The following CERS6 variants were observed in gnomAD, a reference collection of about 807,000 sequenced individuals.
CERS6 encodes ceramide synthase 6.
In CERS6, 26 loss-of-function variants were observed where a neutral mutation model predicts 56.8. The observed-to-expected ratio is 0.46, with a 90% CI of 0.34 to 0.63. The LOEUF is 0.63. Ranked by LOEUF, CERS6 falls within the 30% of genes least tolerant of loss-of-function variation. The probability of loss-of-function intolerance (pLI) is 0.01; values close to 1 mark genes in which losing one functional copy is unlikely to be tolerated. For missense variants in CERS6, 415 were observed against 467.5 expected, an observed-to-expected ratio of 0.89 and a Z score of 1.04; for synonymous variants, 164 against 173.3, an observed-to-expected ratio of 0.95 and a Z score of 0.42.
chr2:168,551,511 C>T (rs186902524), intron 2 of CERS6, among the ~76,000 whole-genome samples: 1 of 152,282 alleles, frequency 6.6e-6, no homozygotes, highest in East Asian at 1.9e-4. Context: ...CTTTGAATAA[C>T]CGTCTCACAG....
chr2:168,586,467 T>C (rs1683545155), intron 3 of CERS6, among the ~76,000 whole-genome samples: 1 of 151,848 alleles, frequency 6.6e-6, no homozygotes, highest in South Asian at 2.1e-4. Flanking sequence ...ATATAAGAGG[T>C]GTGCATTTTA....
chr2:168,579,034 C>A (rs6746322), intron 3 of CERS6, among the ~76,000 whole-genome samples: 3,280 of 152,208 alleles, frequency 0.022, 136 homozygotes, highest in East Asian at 0.18. Context: ...AACAGGAACA[C>A]AATAATTCCT....
At chr2:168,578,953 T>C (rs1243912116) in intron 3 of CERS6, among the ~76,000 whole-genome samples, 1 of 152,170 alleles carries the variant, frequency 6.6e-6, no homozygotes, top group African/African-American at 2.4e-5. Flanking sequence ...TATATAAATA[T>C]AATAAAGTTT....
At chr2:168,673,777 T>A (rs13408222) in intron 4 of CERS6, among the ~76,000 whole-genome samples, 16,384 of 152,206 alleles carry the variant, frequency 0.11, 1,302 homozygotes, top group African/African-American at 0.23. Context: ...TGCCATTCAT[T>A]CAGGAGGTGT....
intron 3 of CERS6, among the ~76,000 whole-genome samples, chr2:168,611,893 G>T (rs1684197633): frequency 6.6e-6 from 1 of 152,138 alleles, no homozygotes; most frequent in Non-Finnish European, 1.5e-5. Context: ...CTACACTTGT[G>T]TCTTCTTCAA....
intron 9 of CERS6, among the ~76,000 whole-genome samples, chr2:168,765,993 G>A (rs998511036): frequency 6.6e-5 from 10 of 151,934 alleles, no homozygotes; most frequent in Admixed American, 1.3e-4. Flanking sequence ...TGTTGTGTTC[G>A]CTCTCCCTCT....
chr2:168,459,653 G>T (rs1025423916), intron 1 of CERS6, among the ~76,000 whole-genome samples: 1 of 151,810 alleles, frequency 6.6e-6, no homozygotes, highest in Non-Finnish European at 1.5e-5. Context: ...TCCCCCAACT[G>T]GGCTGATTCT....
intron 4 of CERS6, among the ~76,000 whole-genome samples, chr2:168,637,106 G>T (rs965006916): frequency 6.6e-6 from 1 of 152,118 alleles, no homozygotes; most frequent in Non-Finnish European, 1.5e-5. Flanking sequence ...CTCCTTGGAA[G>T]GTGGCACAGT....
chr2:168,458,070 C>G (rs1693707853), intron 1 of CERS6, among the ~76,000 whole-genome samples: 1 of 152,064 alleles, frequency 6.6e-6, no homozygotes, highest in South Asian at 2.1e-4. Flanking sequence ...TGTAGAGTTA[C>G]CTCTAGAGCA....
At chr2:168,617,067 A>G (rs1684335092) in intron 3 of CERS6, among the ~76,000 whole-genome samples, 1 of 152,180 alleles carries the variant, frequency 6.6e-6, no homozygotes, top group Non-Finnish European at 1.5e-5. Flanking sequence ...GTGGAAATCA[A>G]CTCCAAAAGG....
intron 8 of CERS6, among the ~76,000 whole-genome samples, chr2:168,729,892 G>A (rs1419564012): frequency 6.6e-6 from 1 of 152,190 alleles, no homozygotes; most frequent in Non-Finnish European, 1.5e-5. Context: ...ACACGTTACT[G>A]TGAGCCTGCT....
intron 1 of CERS6, among the ~76,000 whole-genome samples, chr2:168,485,787 A>G (rs113534895): frequency 6.6e-6 from 1 of 152,170 alleles, no homozygotes; most frequent in African/African-American, 2.4e-5. Flanking sequence ...GCAATTATGA[A>G]TGAAGCTGCT....
In CERS6 at chr2:168,513,299, C is replaced by T. The variant is rs1694827663; in HGVS notation, c.171-34297C>T. On this transcript the variant is annotated intron_variant, in intron 1 of 9. Coordinates refer to ENST00000305747, the MANE Select transcript of CERS6 (RefSeq NM_203463.3). ...CAATTTATGAACCAATATTGATACACTGTTATTAAATGACTTTCATACTTT... is the reference window on the plus strand; with the variant it reads ...CAATTTATGAACCAATATTGATACATTGTTATTAAATGACTTTCATACTTT... Among the ~76,000 whole-genome samples the T allele has an allele frequency of 2.0e-5, 3 of 152,176 alleles. No homozygotes were observed. In the South Asian group the frequency reaches 6.2e-4, roughly 31 times the overall value.
chr2:168,558,151 C>T (rs577589074), intron 2 of CERS6, among the ~76,000 whole-genome samples: 2 of 152,224 alleles, frequency 1.3e-5, no homozygotes, highest in South Asian at 4.1e-4. Flanking sequence ...GGAAAATGGG[C>T]GCTCTTGCTT....
chr2:168,559,282 T>C (rs567622083), intron 2 of CERS6, among the ~76,000 whole-genome samples: 41 of 152,246 alleles, frequency 2.7e-4, no homozygotes, highest in Middle Eastern at 3.4e-3. Flanking sequence ...TACCCTACAG[T>C]GATTTGCTGT....
At position 168,755,968 on chromosome 2, in the gene CERS6, G is replaced by A. The variant is rs563465028; in HGVS notation, c.846-9624G>A. On this transcript the variant is annotated intron_variant, in intron 8 of 9. Transcript: ENST00000305747. The stretch of plus-strand genomic sequence containing the variant: ...AAACATACCATTGAAATCTCTAAGG[G>A]AAGGGGAAAAGGAGAAAAAGGTAAG... Among the ~76,000 whole-genome samples, 41 of 152,350 alleles carry A rather than the reference G, an allele frequency of 2.7e-4. No homozygotes were observed. In the South Asian group the frequency reaches 2.7e-3, roughly 10 times the overall value.
In CERS6 at chr2:168,711,731, C is replaced by CAAAAA. The variant is rs35886865; in HGVS notation, c.610-3256_610-3252dup. 4.3e-3 allele frequency among the ~76,000 whole-genome samples: 416 copies of CAAAAA among 97,794 alleles called. 3 individuals are homozygous for CAAAAA. The highest frequency in any genetic ancestry group is 7.4e-3 in the Non-Finnish European group (359 of 48,790). The allele number at this position is 97,794 out of a possible 152,430, so 64.2% of individuals were successfully genotyped here. A position where few individuals can be genotyped will look rare whatever the true frequency, so the allele number is the denominator to read the frequency against. On this transcript the variant is annotated intron_variant, in intron 6 of 9. Transcript: ENST00000305747. ...CCTGAGTGACAGAGCGAGACTGTCT[C>CAAAAA]AAAAAAAAAAAAAAAAAAGTATAGT... is the stretch of plus-strand genomic sequence containing the variant.
chr2:168,456,908 C>T lies in CERS6; in HGVS notation c.170+290C>T, dbSNP rs1262021332. Among the ~76,000 whole-genome samples, 1 of 152,160 alleles carries T rather than the reference C, an allele frequency of 6.6e-6. No individual in the cohort carries two copies. The highest frequency in any genetic ancestry group is 2.4e-5 in the African/African-American group (1 of 41,432). On this transcript the variant is annotated intron_variant, in intron 1 of 9. Transcript: ENST00000305747. This position sits in a 1 kb window ranked among gnomAD's most constrained non-coding sequence, Gnocchi z 4.1. ...CTGCTCTCCTCCCGGCAAGGGCAGGCGAACAAAGGTGAGCGGTGGTCGGGC... is the reference window on the plus strand; with the variant it reads ...CTGCTCTCCTCCCGGCAAGGGCAGGTGAACAAAGGTGAGCGGTGGTCGGGC...
At chr2:168,584,316 G>A (rs186206546) in intron 3 of CERS6, among the ~76,000 whole-genome samples, 5 of 152,110 alleles carry the variant, frequency 3.3e-5, no homozygotes, top group Non-Finnish European at 7.4e-5. Flanking sequence ...TGCTGTTTGC[G>A]TGATACCCCT....
Sources: gnomAD v4.1 joint callset for allele counts (sites outside exome capture counted in the v4.1 genomes callset) on GRCh38, gnomAD v4.1.1 for gene constraint, Gnocchi (gnomAD v3.1) non-coding constraint, MANE v1.5 for transcripts, NCBI Gene and HGNC (gene_info 2026-07-23, HGNC 2026-07-21) for gene names.